The following SNAP47 variants were observed in gnomAD, a reference collection of about 807,000 sequenced individuals.
SNAP47 encodes the protein synaptosome associated protein 47, also known as synaptosomal-associated protein 47.
Under a neutral mutation model 31.4 loss-of-function variants are expected in SNAP47, and 20 were observed. That is an observed-to-expected ratio of 0.64 (90% CI 0.45 to 0.93). The LOEUF (loss-of-function observed/expected upper bound fraction) is 0.93. SNAP47 is among the 40% of genes least tolerant of loss of function. The pLI is 0.00. For missense variants in SNAP47, 492 were observed against 528.5 expected, an observed-to-expected ratio of 0.93 and a Z score of 0.68; for synonymous variants, 194 against 213.4, an observed-to-expected ratio of 0.91 and a Z score of 0.79.
chr1:227,768,209 C>G, intron 4 of SNAP47: 1 of 889,440 alleles, frequency 1.1e-6, no homozygotes, highest in South Asian at 5.2e-5. Context: ...GGCGCACATG[C>G]AGTCTCCAGG....
rs114403860 is a variant in SNAP47, at chr1:227,736,840, A to T, written c.-46+1341A>T. Among the ~76,000 whole-genome samples the T allele has an allele frequency of 1.8e-3, 276 of 151,892 alleles. 1 individual carries two copies. The highest frequency in any genetic ancestry group is 6.3e-3 in the African/African-American group (262 of 41,418). ...CCAGGCCCTGCCTAGAGGTTTTGTT[A>T]GGGGAACTTTCATATAGAGTGGGCT... On this transcript the variant is annotated intron_variant, in intron 1 of 4. Transcript: ENST00000617596.
chr1:227,758,958 A>G, intron 2 of SNAP47, 37 bp from the exon 3 acceptor site: 1 of 1,547,026 alleles, frequency 6.5e-7, no homozygotes, highest in Non-Finnish European at 8.7e-7. Flanking sequence ...TTAAAAATGA[A>G]CTGATCCAGT....
intron 4 of SNAP47, chr1:227,775,779 T>C: frequency 7.7e-7 from 1 of 1,303,396 alleles, no homozygotes; most frequent in South Asian, 1.2e-5. Context: ...CTCTTGTTTT[T>C]GCTCTGCAGG....
rs1662920237 is a variant in SNAP47 at position 227,759,395 on chromosome 1, A to G, written c.898A>G (p.Lys300Glu). 1 of 1,614,244 alleles carries G rather than the reference A, an allele frequency of 6.2e-7. No homozygotes were observed. The highest frequency in any genetic ancestry group is 8.5e-7 in the Non-Finnish European group (1 of 1,180,054). Residue 300 changes from lysine to glutamate, a missense_variant, in exon 3 of 5, where the codon AAG becomes GAG. Lys to Glu is a moderately conservative substitution (Grantham distance 56, BLOSUM62 1). Coordinates refer to ENST00000617596, the MANE Select transcript of SNAP47 (RefSeq NM_053052.4). ...CCCCATTTTAGAAGTGCAGTTCAGC[A>G]AGAAGATGGAGCTGTTAGAAGATGC... The part of the protein sequence containing the change: ...VIPILEVQFS[K>E]KMELLEDALV...
At position 227,763,011 on chromosome 1, in the gene SNAP47, C is replaced by T. The variant is rs1043968537; in HGVS notation, c.988+3526C>T. On this transcript the variant is annotated intron_variant, in intron 3 of 4. Transcript: ENST00000617596. This position sits in a 1 kb window ranked among gnomAD's most constrained non-coding sequence, Gnocchi z 4.2. ...TTGCCCTGTCATCCAGGCTGGAGTG[C>T]AGAGGTGCAATCATAGCTCACTGTA... Among the ~76,000 whole-genome samples, 2 of 152,120 alleles carry T rather than the reference C, an allele frequency of 1.3e-5. No homozygotes were observed. The highest frequency in any genetic ancestry group is 4.8e-5 in the African/African-American group (2 of 41,430).
chr1:227,772,398 T>C (rs1663877336), intron 4 of SNAP47, among the ~76,000 whole-genome samples: 1 of 151,470 alleles, frequency 6.6e-6, no homozygotes, highest in Non-Finnish European at 1.5e-5. Flanking sequence ...CTGGGTTCCT[T>C]ACAGCAGGGG....
rs915046811 is a variant in SNAP47, at chr1:227,775,981, G to A, written c.1114-4546G>A. 28 of 1,259,466 alleles carry A rather than the reference G, an allele frequency of 2.2e-5. No homozygotes were observed. In the Admixed American group the frequency reaches 6.4e-4, roughly 29 times the overall value. 78.0% of individuals were successfully genotyped at this position (1,259,466 alleles called of 1,614,324 possible). On this transcript the variant is annotated intron_variant, in intron 4 of 4. Coordinates refer to ENST00000617596, the MANE Select transcript of SNAP47 (RefSeq NM_053052.4). ...CGCCCAGGGCATCCTCCTCACGGAT[G>A]TGTTGGAGGAAAGTGGCTTTGGTGC...
chr1:227,740,755 G>A (rs138837631), intron 1 of SNAP47, among the ~76,000 whole-genome samples: 1 of 152,170 alleles, frequency 6.6e-6, no homozygotes, highest in Admixed American at 6.5e-5. Flanking sequence ...TGTTTCTTGA[G>A]GGGGAGGAAG....
chr1:227,749,313 T>C (rs1662188492), intron 2 of SNAP47, among the ~76,000 whole-genome samples: 1 of 152,172 alleles, frequency 6.6e-6, no homozygotes, highest in Non-Finnish European at 1.5e-5. Flanking sequence ...AGCGTGAGTC[T>C]TGGGGGGCTG....
At chr1:227,733,890 C>A, upstream of SNAP47, 2 of 1,612,678 alleles carry the variant, frequency 1.2e-6, no homozygotes, top group Non-Finnish European at 1.7e-6. Flanking sequence ...GTTCCACTCC[C>A]ACATCCGTGG....
intron 1 of SNAP47, chr1:227,747,031 A>G (rs1358799159): frequency 6.6e-6 from 1 of 152,274 alleles, no homozygotes; most frequent in African/African-American, 2.4e-5. Context: ...TGAAAACATG[A>G]TAGGACACCT....
At chr1:227,733,097 C>T (rs974715930), upstream of SNAP47, 50 of 1,535,764 alleles carry the variant, frequency 3.3e-5, no homozygotes, top group African/African-American at 1.5e-4. Context: ...ACATCTCCTG[C>T]GCCAGGAACC....
At position 227,735,464 on chromosome 1, in the gene SNAP47, C is replaced by T. The variant is rs568837840; in HGVS notation, c.-81C>T. The T allele has an allele frequency of 1.3e-4, 193 of 1,435,828 alleles. No individual in the cohort carries two copies. The highest frequency in any genetic ancestry group is 1.7e-4 in the Non-Finnish European group (192 of 1,105,508). 88.9% of individuals were successfully genotyped at this position (1,435,828 alleles called of 1,614,324 possible). A position where few individuals can be genotyped will look rare whatever the true frequency, so the allele number is the denominator to read the frequency against. ...CGCAGGCGCCGAGCGGCCGAGGCGC[C>T]GCGGTCGGCTCTGGGACTCGTCTGG... On this transcript the variant is annotated 5_prime_UTR_variant, in exon 1 of 5. Coordinates refer to ENST00000617596, the MANE Select transcript of SNAP47 (RefSeq NM_053052.4).
chr1:227,780,149 G>A (rs985462478), intron 4 of SNAP47, among the ~76,000 whole-genome samples: 1 of 152,114 alleles, frequency 6.6e-6, no homozygotes, highest in Non-Finnish European at 1.5e-5. Context: ...TCCGAGCTGC[G>A]TGCCCAGGTC....
chr1:227,739,243 C>G (rs1366600407), intron 1 of SNAP47, among the ~76,000 whole-genome samples: 1 of 152,206 alleles, frequency 6.6e-6, no homozygotes, highest in East Asian at 1.9e-4. Context: ...TCACTGCAAC[C>G]TCTGCCTTCT....
chr1:227,776,282 G>A (rs994482426), intron 4 of SNAP47: 3 of 1,010,082 alleles, frequency 3.0e-6, no homozygotes, highest in Admixed American at 5.2e-5. Context: ...AGCCTGGATT[G>A]TACTGTCCTT....
At chr1:227,755,290 A>G (rs1662626230) in intron 2 of SNAP47, among the ~76,000 whole-genome samples, 1 of 152,118 alleles carries the variant, frequency 6.6e-6, no homozygotes, top group Non-Finnish European at 1.5e-5. Flanking sequence ...TCCAGCCTCC[A>G]ACTCCTGGGC....
chr1:227,733,678 G>A, upstream of SNAP47: 2 of 1,600,252 alleles, frequency 1.2e-6, no homozygotes, highest in East Asian at 2.2e-5. Flanking sequence ...CATGGAACGG[G>A]GACCTGCGGC....
intron 2 of SNAP47, 76 bp downstream of exon 2, chr1:227,748,309 C>G (rs1197204762): frequency 3.5e-6 from 5 of 1,414,130 alleles, no homozygotes; most frequent in Non-Finnish European, 4.7e-6. Flanking sequence ...AGGCACTGTT[C>G]CAGGCCACTG....
Sources: gnomAD v4.1 joint callset for allele counts (sites outside exome capture counted in the v4.1 genomes callset) on GRCh38, gnomAD v4.1.1 for gene constraint, Gnocchi (gnomAD v3.1) non-coding constraint, MANE v1.5 for transcripts, NCBI Gene and HGNC (gene_info 2026-07-23, HGNC 2026-07-21) for gene names.